CFAP299: variants seen among roughly 807,000 people sequenced by gnomAD.
The protein encoded by CFAP299 is cilia and flagella associated protein 299.
In CFAP299, 21 loss-of-function variants were observed where a neutral mutation model predicts 27.0. The ratio of observed to expected loss-of-function variants is 0.78; its 90% confidence interval spans 0.55 to 1.12. CFAP299 has a LOEUF of 1.12. Among genes scored for constraint, CFAP299 ranks in the 50% most tolerant of loss-of-function variants. The pLI is 0.00. For missense variants in CFAP299, 310 were observed against 276.6 expected (o/e 1.12, Z -0.86); for synonymous variants, 104 against 98.1 (o/e 1.06, Z -0.36).
chr4:80,788,323 G>A (rs910535547), intron 3 of CFAP299, among the ~76,000 whole-genome samples: 13 of 151,886 alleles, frequency 8.6e-5, no homozygotes, highest in African/African-American at 2.9e-4. Flanking sequence ...CATAAGCTTG[G>A]GAGTTAAGCA....
At chr4:80,812,760 T>C (rs1387732338) in intron 3 of CFAP299, among the ~76,000 whole-genome samples, 14 of 152,156 alleles carry the variant, frequency 9.2e-5, no homozygotes, top group Admixed American at 6.6e-5. Context: ...GGAAATACTT[T>C]AGTTGATCAA....
chr4:80,840,190 C>T (rs1489358776), intron 3 of CFAP299, among the ~76,000 whole-genome samples: 1 of 152,014 alleles, frequency 6.6e-6, no homozygotes, highest in Non-Finnish European at 1.5e-5. Flanking sequence ...AATTAAGTTA[C>T]CCATATTCAG....
At chr4:80,410,713 TTA>T (rs1426817295) in intron 2 of CFAP299, among the ~76,000 whole-genome samples, 1 of 152,212 alleles carries the variant, frequency 6.6e-6, no homozygotes, top group Non-Finnish European at 1.5e-5. Flanking sequence ...ATTGCATTAA[TTA>T]TCTCACTTAT....
chr4:80,330,770 T>G (rs1383571093), upstream of CFAP299, among the ~76,000 whole-genome samples: 3 of 152,108 alleles, frequency 2.0e-5, no homozygotes, highest in Non-Finnish European at 2.9e-5. Context: ...TTTAGGTTGT[T>G]TTTCTTGATA....
At chr4:80,692,770 TG>T (rs956718456) in intron 3 of CFAP299, among the ~76,000 whole-genome samples, 7 of 151,950 alleles carry the variant, frequency 4.6e-5, no homozygotes, top group Non-Finnish European at 7.4e-5. Flanking sequence ...ACCAACAAAA[TG>T]GGAGAAAATT....
intron 3 of CFAP299, among the ~76,000 whole-genome samples, chr4:80,736,799 C>T (rs1723912486): frequency 6.6e-6 from 1 of 152,128 alleles, no homozygotes; most frequent in South Asian, 2.1e-4. Flanking sequence ...TTGACCCAGC[C>T]ATCCCATTAC....
intron 5 of CFAP299, among the ~76,000 whole-genome samples, chr4:80,954,184 A>C: frequency 6.6e-6 from 1 of 152,244 alleles, no homozygotes; most frequent in African/African-American, 2.4e-5. Context: ...AGCAGGCATC[A>C]GAAAACACAT....
chr4:80,821,869 G>C (rs932285487), intron 3 of CFAP299, among the ~76,000 whole-genome samples: 2 of 151,562 alleles, frequency 1.3e-5, no homozygotes, highest in African/African-American at 4.9e-5. Context: ...TGGATGCATA[G>C]CCATCCCCTG....
intron 2 of CFAP299, among the ~76,000 whole-genome samples, chr4:80,545,954 A>T (rs1734208386): frequency 6.6e-6 from 1 of 152,230 alleles, no homozygotes; most frequent in East Asian, 1.9e-4. Context: ...CAGCATACAC[A>T]AATCAATAAA....
intron 3 of CFAP299, among the ~76,000 whole-genome samples, chr4:80,738,796 T>G (rs745792809): frequency 1.4e-4 from 21 of 152,146 alleles, no homozygotes; most frequent in Non-Finnish European, 3.1e-4. Flanking sequence ...CTGGTTGTTT[T>G]GGAGTCTTCT....
chr4:80,699,935 C>T (rs909714590), intron 3 of CFAP299, among the ~76,000 whole-genome samples: 1 of 152,236 alleles, frequency 6.6e-6, no homozygotes, highest in East Asian at 1.9e-4. Flanking sequence ...TAGATACCTC[C>T]TTTTGGAAGG....
intron 3 of CFAP299, among the ~76,000 whole-genome samples, chr4:80,664,494 C>T (rs1266761678): frequency 6.6e-6 from 1 of 152,094 alleles, no homozygotes; most frequent in African/African-American, 2.4e-5. Flanking sequence ...TGGGTTCCAC[C>T]CAGTTCGAAC....
chr4:80,411,226 T>C (rs1726704851), intron 2 of CFAP299, among the ~76,000 whole-genome samples: 1 of 152,170 alleles, frequency 6.6e-6, no homozygotes, highest in Non-Finnish European at 1.5e-5. Context: ...ATGAGTGACA[T>C]AGGATATTGA....
At chr4:80,334,551 A>G (rs1343450440), upstream of CFAP299, among the ~76,000 whole-genome samples, 1 of 152,134 alleles carries the variant, frequency 6.6e-6, no homozygotes, top group African/African-American at 2.4e-5. Flanking sequence ...GCTGGGAGTC[A>G]CTGTACCTGG....
intron 2 of CFAP299, among the ~76,000 whole-genome samples, chr4:80,547,793 A>C (rs969273964): frequency 6.6e-6 from 1 of 152,182 alleles, no homozygotes; most frequent in Non-Finnish European, 1.5e-5. Context: ...GTCATCATTA[A>C]TCATTAGAGA....
At chr4:80,478,967 C>T (rs1451814004) in intron 2 of CFAP299, among the ~76,000 whole-genome samples, 2 of 151,692 alleles carry the variant, frequency 1.3e-5, no homozygotes, top group African/African-American at 4.8e-5. Context: ...ACTGATAAGG[C>T]TAGTGTTGAG....
At chr4:80,817,364 GTATTAA>G (rs1403765918) in intron 3 of CFAP299, among the ~76,000 whole-genome samples, 1 of 151,848 alleles carries the variant, frequency 6.6e-6, no homozygotes, top group Non-Finnish European at 1.5e-5. Flanking sequence ...ATTTTATGTT[GTATTAA>G]TATTAACATA....
intron 3 of CFAP299, among the ~76,000 whole-genome samples, chr4:80,721,450 T>G (rs2110045908): frequency 6.6e-6 from 1 of 152,304 alleles, no homozygotes; most frequent in African/African-American, 2.4e-5. Flanking sequence ...AACATCATCT[T>G]CCCTCTGTAG....
chr4:80,500,078 C>T (rs1347424676), intron 2 of CFAP299, among the ~76,000 whole-genome samples: 1 of 151,924 alleles, frequency 6.6e-6, no homozygotes, highest in Non-Finnish European at 1.5e-5. Flanking sequence ...TCTATTTAGT[C>T]TACAACCCAC....
Sources: allele counts gnomAD v4.1 joint callset (sites outside exome capture counted in the v4.1 genomes callset), GRCh38; gene constraint gnomAD v4.1.1; transcripts MANE v1.5; gene names NCBI Gene and HGNC (gene_info 2026-07-23, HGNC 2026-07-21).